The following CXCL17 variants were observed in gnomAD, a reference collection of about 807,000 sequenced individuals.
CXCL17 encodes C-X-C motif chemokine ligand 17.
Under a neutral mutation model 15.5 loss-of-function variants are expected in CXCL17, and 9 were observed. The observed-to-expected ratio is 0.58, with a 90% CI of 0.35 to 1.01. The LOEUF is 1.01. Among genes scored for constraint, CXCL17 ranks in the 50% least tolerant of loss-of-function variants. The pLI, the probability that CXCL17 is intolerant of heterozygous loss-of-function variation, is 0.02. For synonymous variants in CXCL17, 52 were observed against 52.3 expected, an observed-to-expected ratio of 0.99 and a Z score of 0.02; for missense variants, 133 against 138.2, an observed-to-expected ratio of 0.96 and a Z score of 0.19.
chr19:42,440,336 T>C (rs557952926), intron 1 of CXCL17, among the ~76,000 whole-genome samples: 2 of 152,352 alleles, frequency 1.3e-5, no homozygotes, highest in Admixed American at 1.3e-4. Flanking sequence ...TGTATGTGAT[T>C]AAGAGATAAA....
At chr19:42,442,645 T>A in intron 1 of CXCL17, 109 bp downstream of exon 1, 1 of 731,026 alleles carries the variant, frequency 1.4e-6, no homozygotes, top group Admixed American at 2.5e-5. Context: ...TGAGAAAGGC[T>A]CACTTGCCCC....
At chr19:42,433,339 A>G (rs184833194) in intron 2 of CXCL17, among the ~76,000 whole-genome samples, 38 of 152,236 alleles carry the variant, frequency 2.5e-4, no homozygotes, top group African/African-American at 8.2e-4. Flanking sequence ...TCAGAATATC[A>G]TTACTCCAAA....
chr19:42,431,899 C>T (rs1227035439), intron 3 of CXCL17, among the ~76,000 whole-genome samples: 4 of 151,654 alleles, frequency 2.6e-5, no homozygotes. Context: ...AGAAAATTTC[C>T]CCCATTTATT....
chr19:42,442,876 G>C lies in CXCL17; in HGVS notation c.-44C>G, dbSNP rs1469695453. On this transcript the variant is annotated 5_prime_UTR_variant, in exon 1 of 4. Transcript: ENST00000601181. ...TGTAAGTTGCTTGAAGAATATAATG[G>C]AAGGTTCCCTGCTGGAGGCTCCTGA... The C allele has an allele frequency of 5.3e-6, 8 of 1,495,498 alleles. No individual in the cohort carries two copies. Among genetic ancestry groups the C allele is most frequent in the Non-Finnish European group, 6.5e-6 (7 of 1,075,392 alleles). The allele number at this position is 1,495,498 out of a possible 1,614,324, so 92.6% of individuals were successfully genotyped here.
At chr19:42,438,992 G>A (rs552752170) in intron 1 of CXCL17, among the ~76,000 whole-genome samples, 76 of 152,166 alleles carry the variant, frequency 5.0e-4, no homozygotes, top group African/African-American at 1.6e-3. Context: ...GGTGGCTCAC[G>A]CCTGTAATCC....
At chr19:42,440,608 A>T (rs28411988) in intron 1 of CXCL17, among the ~76,000 whole-genome samples, 32,410 of 152,186 alleles carry the variant, frequency 0.21, 5,622 homozygotes, top group African/African-American at 0.47. Flanking sequence ...CCTTTCTAGG[A>T]CACGCTGCGG....
At chr19:42,441,190 G>A (rs1410273049) in intron 1 of CXCL17, among the ~76,000 whole-genome samples, 2 of 152,224 alleles carry the variant, frequency 1.3e-5, no homozygotes, top group Non-Finnish European at 2.9e-5. Context: ...AGAAGGACAG[G>A]GGGTGGGGGC....
intron 3 of CXCL17, 56 bp from the exon 4 acceptor site, chr19:42,429,037 T>A: frequency 7.1e-7 from 1 of 1,407,996 alleles, no homozygotes; most frequent in Non-Finnish European, 1.0e-6. Context: ...AACATTTCTT[T>A]TTTTTTTGGA....
chr19:42,428,349 C>A lies in CXCL17; in HGVS notation c.*535G>T. 1 of 141,586 alleles carries A rather than the reference C, an allele frequency of 7.1e-6. No individual in the cohort carries two copies. The highest frequency in any genetic ancestry group is 7.0e-5 in the Admixed American group (1 of 14,248). 8.8% of individuals were successfully genotyped at this position (141,586 alleles called of 1,614,324 possible). On this transcript the variant is annotated 3_prime_UTR_variant, in exon 4 of 4. Coordinates refer to ENST00000601181, the MANE Select transcript of CXCL17 (RefSeq NM_198477.3). ...CATTGGTATGCTTTTTTTTTTTTGT[C>A]CCACCTCGCTCTTACCTCAGAAAGA...
Position 42,437,180 on chromosome 19 carries a change from G to A in CXCL17, c.80-3324C>T, listed in dbSNP as rs145740288. 7.9e-5 allele frequency among the ~76,000 whole-genome samples: 12 copies of A among 152,154 alleles called. No individual in the cohort carries two copies. In the East Asian group the frequency reaches 1.7e-3, roughly 22 times the overall value. The stretch of plus-strand genomic sequence containing the variant: ...TTGAACTCTTAACCTCAAGTGATCC[G>A]CTCCCCTCGGCCTCCCAAAGCGTTG... On this transcript the variant is annotated intron_variant, in intron 1 of 3. Coordinates refer to ENST00000601181, the MANE Select transcript of CXCL17 (RefSeq NM_198477.3).
chr19:42,437,063 A>T (rs1462553865), intron 1 of CXCL17, among the ~76,000 whole-genome samples: 2 of 151,870 alleles, frequency 1.3e-5, no homozygotes, highest in African/African-American at 4.8e-5. Context: ...TCAGCCTCCC[A>T]AGTAGCTGGG....
intron 2 of CXCL17, 41 bp downstream of exon 2, chr19:42,433,735 C>T (rs531019498): frequency 8.0e-5 from 123 of 1,540,400 alleles, no homozygotes; most frequent in Non-Finnish European, 1.1e-4. Flanking sequence ...GAGCTGGGGT[C>T]ATGGTGATGC....
intron 1 of CXCL17, among the ~76,000 whole-genome samples, chr19:42,435,876 C>A (rs1173983868): frequency 6.6e-6 from 1 of 150,422 alleles, no homozygotes; most frequent in African/African-American, 2.4e-5. Flanking sequence ...CTCTTTCATT[C>A]TCTTTCCACC....
intron 1 of CXCL17, among the ~76,000 whole-genome samples, chr19:42,440,925 G>T (rs561846208): frequency 1.3e-5 from 2 of 152,170 alleles, no homozygotes; most frequent in Admixed American, 1.3e-4. Context: ...TGAGGGAGAG[G>T]GGAGGCTGCT....
Position 42,428,663 on chromosome 19 carries a change from T to G in CXCL17, c.*221A>C. 2 of 451,386 alleles carry G rather than the reference T, an allele frequency of 4.4e-6. No individual in the cohort carries two copies. The highest frequency in any genetic ancestry group is 7.5e-5 in the Admixed American group (2 of 26,768). The allele number at this position is 451,386 out of a possible 1,614,324, so 28.0% of individuals were successfully genotyped here. A position where few individuals can be genotyped will look rare whatever the true frequency, so the allele number is the denominator to read the frequency against. The stretch of plus-strand genomic sequence containing the variant: ...TCTTTCAGGTAATTAAGCCTAAGCC[T>G]GGGTAAGGGGAGGGCACAGGCTAAG... On this transcript the variant is annotated 3_prime_UTR_variant, in exon 4 of 4. Transcript: ENST00000601181.
intron 2 of CXCL17, 154 bp from the exon 3 acceptor site, chr19:42,433,231 T>C: frequency 1.7e-6 from 1 of 601,474 alleles, no homozygotes; most frequent in Non-Finnish European, 2.9e-6. Context: ...ATCCAGCTAT[T>C]TGAATGCCAG....
chr19:42,433,659 G>A (rs1419961800), intron 2 of CXCL17, 117 bp downstream of exon 2: 1 of 821,122 alleles, frequency 1.2e-6, no homozygotes, highest in African/African-American at 1.7e-5. Flanking sequence ...GCAGGCTGTG[G>A]AGAGGGGAAT....
chr19:42,440,175 C>A (rs1168772483), intron 1 of CXCL17, among the ~76,000 whole-genome samples: 1 of 151,830 alleles, frequency 6.6e-6, no homozygotes, highest in Admixed American at 6.6e-5. Context: ...TATAGGAGTT[C>A]TTAATGTGTC....
chr19:42,431,256 C>A (rs1220597111), intron 3 of CXCL17, among the ~76,000 whole-genome samples: 1 of 152,128 alleles, frequency 6.6e-6, no homozygotes, highest in Admixed American at 6.6e-5. Flanking sequence ...TATTTTTGCC[C>A]GTTTGTCTGT....
Sources: allele counts gnomAD v4.1 joint callset (sites outside exome capture counted in the v4.1 genomes callset), GRCh38; gene constraint gnomAD v4.1.1; transcripts MANE v1.5; gene names NCBI Gene and HGNC (gene_info 2026-07-23, HGNC 2026-07-21).